The following CDH4 variants were observed in gnomAD, a reference collection of about 807,000 sequenced individuals.
CDH4 encodes the protein cadherin 4.
CDH4 carries 33 observed loss-of-function variants against 86.0 expected under a neutral mutation model. The ratio of observed to expected loss-of-function variants is 0.38; its 90% CI spans 0.29 to 0.51. CDH4 has a LOEUF of 0.51. Ranked by LOEUF, CDH4 falls within the 20% of genes least tolerant of loss-of-function variation. The pLI is 0.86. For missense variants in CDH4, 1,114 were observed against 1,307.4 expected, an observed-to-expected ratio of 0.85 and a Z score of 2.28; for synonymous variants, 555 against 549.4, an observed-to-expected ratio of 1.01 and a Z score of -0.14.
At position 61,283,560 on chromosome 20, in the gene CDH4, A is replaced by T. The variant is rs1468164795; in HGVS notation, c.169+28623A>T. On this transcript the variant is annotated intron_variant, in intron 2 of 15. Transcript: ENST00000614565. ...TTACACGCGTGTGCTGTGGTGTGTGATGTAGGTGCATTTGCACGTGTGTGC... is the reference window on the plus strand; with the variant it reads ...TTACACGCGTGTGCTGTGGTGTGTGTTGTAGGTGCATTTGCACGTGTGTGC... 4.3e-5 allele frequency among the ~76,000 whole-genome samples: 5 copies of T among 116,846 alleles called. 1 individual carries two copies. The highest frequency in any genetic ancestry group is 8.9e-5 in the Admixed American group (1 of 11,194). The allele number at this position is 116,846 out of a possible 152,430, so 76.7% of individuals were successfully genotyped here.
intron 2 of CDH4, among the ~76,000 whole-genome samples, chr20:61,522,377 T>A (rs574259851): frequency 2.6e-5 from 4 of 152,164 alleles, no homozygotes; most frequent in Non-Finnish European, 5.9e-5. Flanking sequence ...AACTGATGCA[T>A]GAGGAATAGC....
chr20:61,310,370 G>A (rs1301116110), intron 2 of CDH4, among the ~76,000 whole-genome samples: 1 of 152,202 alleles, frequency 6.6e-6, no homozygotes, highest in Admixed American at 6.5e-5. Context: ...TTTCGTGGAG[G>A]ATAACTATTT....
chr20:61,538,512 G>A (rs1046189719), intron 2 of CDH4, among the ~76,000 whole-genome samples: 5 of 152,192 alleles, frequency 3.3e-5, no homozygotes, highest in Admixed American at 2.0e-4. Flanking sequence ...CCTACTCTGT[G>A]TACTTTCGCC....
intron 2 of CDH4, among the ~76,000 whole-genome samples, chr20:61,546,934 T>C (rs1179303185): frequency 6.6e-6 from 1 of 152,126 alleles, no homozygotes; most frequent in Non-Finnish European, 1.5e-5. Context: ...TCCGTCTCCG[T>C]GCCCACGCTC....
At chr20:61,414,492 G>A (rs2085136096) in intron 2 of CDH4, among the ~76,000 whole-genome samples, 1 of 152,200 alleles carries the variant, frequency 6.6e-6, no homozygotes, top group Non-Finnish European at 1.5e-5. Flanking sequence ...CTCTCCAGCT[G>A]GCTTGCTACA....
intron 2 of CDH4, among the ~76,000 whole-genome samples, chr20:61,555,986 A>T (rs1437635604): frequency 3.9e-5 from 6 of 152,200 alleles, no homozygotes; most frequent in Non-Finnish European, 8.8e-5. Context: ...TTGTGTATGT[A>T]CCGCCCTGTG....
In CDH4 at chr20:61,301,987, G is replaced by A. The variant is rs1343538889; in HGVS notation, c.169+47050G>A. Among the ~76,000 whole-genome samples the A allele has an allele frequency of 2.0e-5, 3 of 152,252 alleles. No individual in the cohort carries two copies. In the East Asian group the frequency reaches 5.8e-4, roughly 29 times the overall value. On this transcript the variant is annotated intron_variant, in intron 2 of 15. Transcript: ENST00000614565. Reference sequence around the variant, plus strand: ...CCGTTGCTGACTGACAATATTGGAAGTTGCCCAAAACGTCTCCAGGTAGAC... The same window carrying A: ...CCGTTGCTGACTGACAATATTGGAAATTGCCCAAAACGTCTCCAGGTAGAC...
intron 2 of CDH4, among the ~76,000 whole-genome samples, chr20:61,646,237 C>T (rs1234548611): frequency 6.6e-6 from 1 of 152,058 alleles, no homozygotes; most frequent in Non-Finnish European, 1.5e-5. Context: ...CCTGGATGTC[C>T]GTTCAGGAAC....
intron 2 of CDH4, among the ~76,000 whole-genome samples, chr20:61,287,654 G>A (rs898968327): frequency 1.4e-4 from 21 of 152,154 alleles, no homozygotes; most frequent in African/African-American, 4.8e-4. Flanking sequence ...CCAGGCTGCC[G>A]AAGACCCTGC....
intron 2 of CDH4, among the ~76,000 whole-genome samples, chr20:61,577,211 T>C (rs1442815686): frequency 2.6e-5 from 4 of 151,582 alleles, no homozygotes; most frequent in African/African-American, 9.7e-5. Context: ...TATATGTTTG[T>C]GTGTTGAAGG....
intron 7 of CDH4, among the ~76,000 whole-genome samples, chr20:61,883,715 G>A (rs1036301618): frequency 5.3e-5 from 8 of 152,176 alleles, no homozygotes; most frequent in African/African-American, 1.9e-4. Flanking sequence ...GGGGTGGGGG[G>A]CCAAGAGAGG....
chr20:61,770,707 C>T (rs1208264179), intron 3 of CDH4, among the ~76,000 whole-genome samples: 3 of 152,086 alleles, frequency 2.0e-5, no homozygotes, highest in Non-Finnish European at 4.4e-5. Flanking sequence ...CACGGTAAAA[C>T]CCCGTCTCTA....
At position 61,700,260 on chromosome 20, in the gene CDH4, G is replaced by A. The variant is rs141188677; in HGVS notation, c.170-43303G>A. Reference sequence around the variant, plus strand: ...AGACATACATTCCCTAGATCTGCACGTCAGGGGAGCGCTCAGCATCGACAG... The same window carrying A: ...AGACATACATTCCCTAGATCTGCACATCAGGGGAGCGCTCAGCATCGACAG... On this transcript the variant is annotated intron_variant, in intron 2 of 15. Transcript: ENST00000614565. Among the ~76,000 whole-genome samples the A allele has an allele frequency of 7.6e-4, 116 of 152,308 alleles. 5 individuals are homozygous for A. In the South Asian group the frequency reaches 0.022, roughly 28 times the overall value.
chr20:61,485,594 A>G (rs1014582256), intron 2 of CDH4, among the ~76,000 whole-genome samples: 2 of 152,188 alleles, frequency 1.3e-5, no homozygotes, highest in African/African-American at 4.8e-5. Flanking sequence ...ATTGCAGGGT[A>G]CTGGTGGGGA....
In CDH4 at chr20:61,518,244, G is replaced by A. The variant is rs1600725030; in HGVS notation, c.170-225319G>A. Among the ~76,000 whole-genome samples, 1 of 152,168 alleles carries A rather than the reference G, an allele frequency of 6.6e-6. No homozygotes were observed. The highest frequency in any genetic ancestry group is 2.4e-5 in the African/African-American group (1 of 41,436). On this transcript the variant is annotated intron_variant, in intron 2 of 15. Coordinates refer to ENST00000614565, the MANE Select transcript of CDH4 (RefSeq NM_001794.5). This position sits in a 1 kb window ranked among gnomAD's most constrained non-coding sequence, Gnocchi z 6.3. ...ACGAGGAAGCCCGTGCCTCTCCACA[G>A]GCTGACTGCATGGTGGTGGTATAAT...
intron 2 of CDH4, among the ~76,000 whole-genome samples, chr20:61,656,385 G>A (rs1192460018): frequency 6.6e-6 from 1 of 150,680 alleles, no homozygotes. Flanking sequence ...GGGTGGGCAG[G>A]TGCCTGACTG....
chr20:61,853,085 G>A (rs920000364), intron 6 of CDH4, among the ~76,000 whole-genome samples, 187 bp downstream of exon 6: 5 of 152,224 alleles, frequency 3.3e-5, no homozygotes, highest in African/African-American at 1.2e-4. Flanking sequence ...GGGGTCAAGG[G>A]GGTTGCAGAC....
chr20:61,559,406 C>T lies in CDH4; in HGVS notation c.170-184157C>T, dbSNP rs1030471317. Among the ~76,000 whole-genome samples, 6 of 152,136 alleles carry T rather than the reference C, an allele frequency of 3.9e-5. No individual in the cohort carries two copies. In the East Asian group the frequency reaches 7.7e-4, roughly 20 times the overall value. On this transcript the variant is annotated intron_variant, in intron 2 of 15. Transcript: ENST00000614565. ...GGGCTGGACCGAAGGGGAGGACCTC[C>T]GGGAGCCACCTGCAAGAGACGGCGC... is the stretch of plus-strand genomic sequence containing the variant.
chr20:61,550,054 A>G (rs921712113), intron 2 of CDH4, among the ~76,000 whole-genome samples: 5 of 146,964 alleles, frequency 3.4e-5, no homozygotes, highest in African/African-American at 5.1e-5. Context: ...CCCTGCCCCA[A>G]CCTCCCTGGC....
Sources: gnomAD v4.1 joint callset for allele counts (sites outside exome capture counted in the v4.1 genomes callset) on GRCh38, gnomAD v4.1.1 for gene constraint, Gnocchi (gnomAD v3.1) non-coding constraint, MANE v1.5 for transcripts, NCBI Gene and HGNC (gene_info 2026-07-23, HGNC 2026-07-21) for gene names.